The following PTPRD variants were observed in gnomAD, a reference collection of about 807,000 sequenced individuals.
The protein encoded by PTPRD is protein tyrosine phosphatase receptor type D, also known as receptor-type tyrosine-protein phosphatase delta.
Under a neutral mutation model 214.5 loss-of-function variants are expected in PTPRD, and 34 were observed. The observed-to-expected ratio is 0.16, with a 90% CI of 0.12 to 0.21. The LOEUF is 0.21. Among genes scored for constraint, PTPRD ranks in the 10% least tolerant of loss-of-function variants. The pLI is 1.00. For missense variants in PTPRD, 2,545 were observed against 2,398.7 expected, an observed-to-expected ratio of 1.06 and a Z score of -1.27; for synonymous variants, 1,128 against 845.7, an observed-to-expected ratio of 1.33 and a Z score of -5.79.
intron 39 of PTPRD, among the ~76,000 whole-genome samples, chr9:8,345,641 T>C (rs1856854707): frequency 6.6e-6 from 1 of 152,020 alleles, no homozygotes; most frequent in African/African-American, 2.4e-5. Flanking sequence ...AAACAGGTAG[T>C]ACACGAAATC....
At chr9:10,005,170 T>G (rs2154098445) in intron 4 of PTPRD, among the ~76,000 whole-genome samples, 1 of 152,208 alleles carries the variant, frequency 6.6e-6, no homozygotes, top group Non-Finnish European at 1.5e-5. Context: ...TTATAATAAC[T>G]GTTACTGTCC....
intron 8 of PTPRD, among the ~76,000 whole-genome samples, chr9:9,420,052 G>A (rs2078219244): frequency 6.6e-6 from 1 of 151,486 alleles, no homozygotes; most frequent in South Asian, 2.1e-4. Flanking sequence ...TTAAAATTCT[G>A]TAACCAAGTT....
intron 35 of PTPRD, among the ~76,000 whole-genome samples, chr9:8,412,528 G>T (rs2093612363): frequency 6.6e-6 from 1 of 152,102 alleles, no homozygotes; most frequent in Non-Finnish European, 1.5e-5. Context: ...CTTTGAAAAT[G>T]CTGACACATC....
intron 8 of PTPRD, among the ~76,000 whole-genome samples, chr9:9,437,114 C>A (rs1029343132): frequency 6.6e-6 from 1 of 152,156 alleles, no homozygotes; most frequent in African/African-American, 2.4e-5. Context: ...CACTGGGACA[C>A]TATATTCAGT....
intron 5 of PTPRD, among the ~76,000 whole-genome samples, chr9:9,934,618 T>A (rs1217549468): frequency 6.6e-6 from 1 of 150,972 alleles, no homozygotes. Flanking sequence ...CAGGACCAGA[T>A]GGATTCACAG....
intron 8 of PTPRD, among the ~76,000 whole-genome samples, chr9:9,491,519 TA>T (rs2095896237): frequency 6.6e-6 from 1 of 151,766 alleles, no homozygotes; most frequent in South Asian, 2.1e-4. Context: ...GAGACATTTT[TA>T]AGGACAAGCC....
intron 17 of PTPRD, 182 bp from the exon 18 acceptor site, chr9:8,525,217 A>ATT: frequency 1.6e-5 from 10 of 621,008 alleles, no homozygotes; most frequent in Admixed American, 2.3e-5. Flanking sequence ...TATAGAGATT[A>ATT]TTTTTTTTTT....
At chr9:9,859,754 A>T (rs1017944217) in intron 5 of PTPRD, among the ~76,000 whole-genome samples, 1 of 152,172 alleles carries the variant, frequency 6.6e-6, no homozygotes, top group Admixed American at 6.5e-5. Context: ...TCAAGTTTCA[A>T]GGTCAGACTC....
chr9:9,384,776 T>A (rs1361577545), intron 9 of PTPRD, among the ~76,000 whole-genome samples: 1 of 152,076 alleles, frequency 6.6e-6, no homozygotes, highest in East Asian at 1.9e-4. Context: ...GCTTTTTTCA[T>A]GCTTCACTAT....
Position 9,290,812 on chromosome 9 carries a change from A to G in PTPRD, c.-203+106637T>C, listed in dbSNP as rs148441876. Among the ~76,000 whole-genome samples the G allele has an allele frequency of 5.1e-3, 767 of 151,672 alleles. 6 individuals carry two copies. Among genetic ancestry groups the G allele is most frequent in the African/African-American group, 0.018 (731 of 41,500 alleles). ...TTTTTCCAGTGATGAATATTATAAT[A>G]TCATTAATTCGTTAGGTAATCAAGA... On this transcript the variant is annotated intron_variant, in intron 9 of 45. Coordinates refer to ENST00000381196, the MANE Select transcript of PTPRD (RefSeq NM_002839.4).
At chr9:8,904,972 T>C (rs144966722) in intron 11 of PTPRD, among the ~76,000 whole-genome samples, 80 of 152,282 alleles carry the variant, frequency 5.3e-4, no homozygotes, top group South Asian at 1.0e-3. Context: ...AGATGTAAAC[T>C]TGAAACTTGG....
At chr9:10,445,786 G>C (rs76448039) in intron 2 of PTPRD, among the ~76,000 whole-genome samples, 3,357 of 152,104 alleles carry the variant, frequency 0.022, 146 homozygotes, top group African/African-American at 0.077. Flanking sequence ...GGCATAATGA[G>C]GTCAAGACAA....
intron 2 of PTPRD, among the ~76,000 whole-genome samples, chr9:10,355,251 G>C (rs187440905): frequency 6.6e-6 from 1 of 152,142 alleles, no homozygotes; most frequent in Non-Finnish European, 1.5e-5. Context: ...TGTGAAATTT[G>C]TCTTCTTGGG....
At chr9:9,812,470 G>A (rs777911677) in intron 5 of PTPRD, among the ~76,000 whole-genome samples, 9 of 152,028 alleles carry the variant, frequency 5.9e-5, no homozygotes, top group Non-Finnish European at 8.8e-5. Flanking sequence ...GGCTAAAAGC[G>A]AAGGGACAGA....
intron 9 of PTPRD, among the ~76,000 whole-genome samples, chr9:9,352,677 T>C (rs2051886691): frequency 1.3e-5 from 2 of 152,052 alleles, no homozygotes; most frequent in African/African-American, 2.4e-5. Flanking sequence ...TAGAAACGTG[T>C]AAGCATGACG....
chr9:9,712,057 C>CA (rs2097745910), intron 7 of PTPRD, among the ~76,000 whole-genome samples: 1 of 151,614 alleles, frequency 6.6e-6, no homozygotes, highest in South Asian at 2.1e-4. Context: ...TAGCAAAACT[C>CA]AAAAATTTAA....
intron 3 of PTPRD, among the ~76,000 whole-genome samples, chr9:10,079,134 C>A (rs369975358): frequency 6.6e-6 from 1 of 150,938 alleles, no homozygotes; most frequent in Non-Finnish European, 1.5e-5. Context: ...TATTGCTATC[C>A]CTCCCTCTAA....
At chr9:9,826,423 T>A (rs1056094468) in intron 5 of PTPRD, among the ~76,000 whole-genome samples, 14 of 152,008 alleles carry the variant, frequency 9.2e-5, no homozygotes, top group Non-Finnish European at 1.5e-5. Context: ...TTGAAGTATT[T>A]TGAAGGCAGA....
intron 12 of PTPRD, among the ~76,000 whole-genome samples, chr9:8,714,313 T>A (rs1380538820): frequency 6.7e-6 from 1 of 148,344 alleles, no homozygotes; most frequent in East Asian, 1.9e-4. Context: ...TTGGGTTTTT[T>A]TTTGTTTTGT....
Sources: gnomAD v4.1 joint callset for allele counts (sites outside exome capture counted in the v4.1 genomes callset) on GRCh38, gnomAD v4.1.1 for gene constraint, MANE v1.5 for transcripts, NCBI Gene and HGNC (gene_info 2026-07-23, HGNC 2026-07-21) for gene names.